Variants in RNGTT observed in about 807,000 individuals in gnomAD.
The protein encoded by RNGTT is RNA guanylyltransferase and 5'-phosphatase.
RNGTT carries 33 observed loss-of-function variants against 79.3 expected under a neutral mutation model. That is an observed-to-expected ratio of 0.42 (90% CI 0.32 to 0.56). The LOEUF is 0.56. Among genes scored for constraint, RNGTT ranks in the 20% least tolerant of loss-of-function variants. The probability of loss-of-function intolerance (pLI) is 0.17; values close to 1 mark genes in which losing one functional copy is unlikely to be tolerated. For missense variants in RNGTT, 497 were observed against 739.1 expected (o/e 0.67, Z 3.80); for synonymous variants, 222 against 235.9 (o/e 0.94, Z 0.54).
chr6:88,903,921 C>G (rs1350117417), intron 6 of RNGTT, among the ~76,000 whole-genome samples: 5 of 152,126 alleles, frequency 3.3e-5, no homozygotes, highest in African/African-American at 1.2e-4. Context: ...GATAACTCCT[C>G]ATATTTATGG....
At chr6:88,735,442 C>T (rs1777252319) in intron 13 of RNGTT, among the ~76,000 whole-genome samples, 2 of 151,496 alleles carry the variant, frequency 1.3e-5, no homozygotes, top group South Asian at 4.2e-4. Context: ...CAAAATACAC[C>T]ATAACAAATT....
At position 88,701,653 on chromosome 6, in the gene RNGTT, T is replaced by C. The variant is rs534575902; in HGVS notation, c.1440-23234A>G. Among the ~76,000 whole-genome samples the C allele has an allele frequency of 7.9e-5, 12 of 152,258 alleles. No homozygotes were observed. In the South Asian group the frequency reaches 2.5e-3, roughly 32 times the overall value. On this transcript the variant is annotated intron_variant, in intron 13 of 15. Coordinates refer to ENST00000369485, the MANE Select transcript of RNGTT (RefSeq NM_003800.5). Reference sequence around the variant, plus strand: ...TTCTTTTAGTATTATGAATTTAGGATTGTCATTTAATCTTTTTAAAGAATG... The same window carrying C: ...TTCTTTTAGTATTATGAATTTAGGACTGTCATTTAATCTTTTTAAAGAATG...
At chr6:88,862,399 G>A (rs1334300766) in intron 8 of RNGTT, among the ~76,000 whole-genome samples, 5 of 152,186 alleles carry the variant, frequency 3.3e-5, no homozygotes, top group Non-Finnish European at 7.3e-5. Context: ...CTTCCAGACA[G>A]CAGAACACGT....
intron 4 of RNGTT, among the ~76,000 whole-genome samples, chr6:88,926,286 T>C (rs377505460): frequency 1.3e-5 from 2 of 152,332 alleles, no homozygotes; most frequent in East Asian, 1.9e-4. Context: ...CTTTACCATA[T>C]GATTTAATGA....
At chr6:88,790,263 A>C (rs1779363127) in intron 12 of RNGTT, among the ~76,000 whole-genome samples, 1 of 152,212 alleles carries the variant, frequency 6.6e-6, no homozygotes, top group Non-Finnish European at 1.5e-5. Flanking sequence ...GGTAACCTAG[A>C]AGGCTGCCAG....
intron 13 of RNGTT, among the ~76,000 whole-genome samples, chr6:88,698,369 T>C (rs923852403): frequency 2.0e-5 from 3 of 146,798 alleles, no homozygotes; most frequent in Admixed American, 6.9e-5. Flanking sequence ...AAATGAAAAA[T>C]TGCTAGCTAT....
At chr6:88,754,904 A>G (rs1319610497) in intron 13 of RNGTT, among the ~76,000 whole-genome samples, 2 of 152,180 alleles carry the variant, frequency 1.3e-5, no homozygotes, top group Non-Finnish European at 2.9e-5. Context: ...AATGCTCATC[A>G]CTGGCTTGCT....
intron 8 of RNGTT, among the ~76,000 whole-genome samples, chr6:88,870,185 A>T (rs1782309727): frequency 6.6e-6 from 1 of 152,140 alleles, no homozygotes; most frequent in South Asian, 2.1e-4. Context: ...CACTGTCAGA[A>T]TTGCTCATTT....
At chr6:88,676,188 G>A (rs556163439) in intron 14 of RNGTT, among the ~76,000 whole-genome samples, 54 of 152,258 alleles carry the variant, frequency 3.5e-4, no homozygotes, top group African/African-American at 1.0e-3. Context: ...ATATAGTGTG[G>A]TTATTGGTAG....
At chr6:88,831,389 C>A (rs747818473) in intron 11 of RNGTT, among the ~76,000 whole-genome samples, 2 of 152,094 alleles carry the variant, frequency 1.3e-5, no homozygotes, top group Non-Finnish European at 2.9e-5. Context: ...AAATTCAACA[C>A]CTCTTCATGC....
At chr6:88,889,813 G>A (rs1021543172) in intron 8 of RNGTT, among the ~76,000 whole-genome samples, 3 of 152,008 alleles carry the variant, frequency 2.0e-5, no homozygotes, top group Admixed American at 2.0e-4. Flanking sequence ...TTAAAAAATA[G>A]CCAGGCAGGG....
chr6:88,919,033 T>C (rs2127949285), intron 4 of RNGTT, among the ~76,000 whole-genome samples: 1 of 152,344 alleles, frequency 6.6e-6, no homozygotes, highest in South Asian at 2.1e-4. Flanking sequence ...CTTAGTCTAA[T>C]GGTTCAGTTA....
intron 11 of RNGTT, among the ~76,000 whole-genome samples, chr6:88,805,039 G>A (rs1158429968): frequency 1.3e-5 from 2 of 152,098 alleles, no homozygotes; most frequent in Non-Finnish European, 2.9e-5. Flanking sequence ...ATTCATTTAC[G>A]ATGTGAAAAA....
At chr6:88,800,187 T>C (rs1779739049) in intron 12 of RNGTT, among the ~76,000 whole-genome samples, 1 of 152,206 alleles carries the variant, frequency 6.6e-6, no homozygotes, top group Non-Finnish European at 1.5e-5. Flanking sequence ...ATAGGTTGAA[T>C]ATGCCTTCTC....
At chr6:88,678,651 G>A (rs1774976486) in intron 13 of RNGTT, among the ~76,000 whole-genome samples, 1 of 152,110 alleles carries the variant, frequency 6.6e-6, no homozygotes, top group Non-Finnish European at 1.5e-5. Flanking sequence ...AAGTGTGGTT[G>A]TGTGTGCCTA....
rs762239218 is a variant in RNGTT, at chr6:88,891,849, C to T, written c.751G>A (p.Gly251Arg). The T allele has an allele frequency of 1.2e-6, 2 of 1,604,780 alleles. No individual in the cohort carries two copies. Among genetic ancestry groups the T allele is most frequent in the Non-Finnish European group, 1.7e-6 (2 of 1,175,538 alleles). ...VTQVTTQPKL[G>R]EVQQKCHQFC... is the part of the protein sequence containing the mutation. ...TGATGACACTTCTGCTGTACCTCTC[C>T]TAACTTTGGTTGTGTTGTTACTTGA... The change falls in exon 7 of 16, where the codon GGA becomes AGA. Residue 251 changes from glycine (G) to arginine (R), a missense_variant. Coordinates refer to ENST00000369485, the MANE Select transcript of RNGTT (RefSeq NM_003800.5).
At chr6:88,718,325 TATAGTGAGCC>T (rs1160433685) in intron 13 of RNGTT, among the ~76,000 whole-genome samples, 2 of 150,974 alleles carry the variant, frequency 1.3e-5, no homozygotes, top group African/African-American at 4.9e-5. Context: ...AGGTGGAGGT[TATAGTGAGCC>T]AAGATTGTGC....
At chr6:88,865,572 G>A (rs2127916761) in intron 8 of RNGTT, among the ~76,000 whole-genome samples, 1 of 152,184 alleles carries the variant, frequency 6.6e-6, no homozygotes, top group Admixed American at 6.5e-5. Flanking sequence ...AACAACTATA[G>A]TAAAATAGTT....
At chr6:88,754,870 A>G (rs965308941) in intron 13 of RNGTT, among the ~76,000 whole-genome samples, 3 of 152,234 alleles carry the variant, frequency 2.0e-5, no homozygotes, top group Admixed American at 2.0e-4. Flanking sequence ...GAATACTTTT[A>G]GTTAATCTAT....
Sources: allele counts gnomAD v4.1 joint callset (sites outside exome capture counted in the v4.1 genomes callset), GRCh38; gene constraint gnomAD v4.1.1; transcripts MANE v1.5; gene names NCBI Gene and HGNC (gene_info 2026-07-23, HGNC 2026-07-21).